The following ARHGEF4 variants were observed in gnomAD, a reference collection of about 807,000 sequenced individuals.
ARHGEF4 encodes APC-stimulated guanine nucleotide exchange factor 1.
A neutral mutation model predicts 162.0 loss-of-function variants in ARHGEF4; 119 were observed. The ratio of observed to expected loss-of-function variants is 0.73; its 90% CI spans 0.63 to 0.86. The LOEUF is 0.86. Among genes scored for constraint, ARHGEF4 ranks in the 40% least tolerant of loss-of-function variants. The probability of loss-of-function intolerance (pLI) is 0.00; values close to 1 mark genes in which losing one functional copy is unlikely to be tolerated. For synonymous variants in ARHGEF4, 1,014 were observed against 979.9 expected, an observed-to-expected ratio of 1.03 and a Z score of -0.65; for missense variants, 2,488 against 2,456.0, an observed-to-expected ratio of 1.01 and a Z score of -0.28.
intron 4 of ARHGEF4, among the ~76,000 whole-genome samples, chr2:131,004,390 C>T (rs978568626): frequency 1.3e-5 from 2 of 152,212 alleles, no homozygotes; most frequent in Non-Finnish European, 2.9e-5. Flanking sequence ...TGGTCTCAAT[C>T]ACCTGACTTC....
chr2:131,040,075 A>C lies in ARHGEF4; in HGVS notation c.4365A>C (p.Gly1455=), dbSNP rs751335828. 2.7e-5 allele frequency: 44 copies of C among 1,601,776 alleles called. No homozygotes were observed. In the Middle Eastern group the frequency reaches 6.6e-4, roughly 24 times the overall value. ...DDDAPLAGNS[G]AEDGGAEAQS... Reference sequence around the variant, plus strand: ...ACGCCCCTCTGGCCGGGAACAGCGGAGCGGAGGACGGCGGGGCGGAGGCGC... The same window carrying C: ...ACGCCCCTCTGGCCGGGAACAGCGGCGCGGAGGACGGCGGGGCGGAGGCGC... The change falls in exon 7 of 14, where the codon GGA becomes GGC. Residue 1455 remains glycine, a synonymous_variant. Coordinates refer to ENST00000409359, the MANE Select transcript of ARHGEF4 (RefSeq NM_001367493.1).
In ARHGEF4 at chr2:130,916,230, GCCCGGGGC is replaced by G; in HGVS notation, c.2286_2293del (p.Arg763AlafsTer44). Reference sequence around the variant, plus strand: ...GGCCCCCGAAGGCGGTGCTGCAGCAGCCCGGGGCCAGCGCCCCCGCGTCCCCGCCTTGG... The same window carrying G: ...GGCCCCCGAAGGCGGTGCTGCAGCAGCAGCGCCCCCGCGTCCCCGCCTTGG... On this transcript the variant is annotated frameshift_variant, in exon 2 of 14. Transcript: ENST00000409359. LOFTEE classifies it high-confidence loss of function. 1 of 1,535,484 alleles carries G rather than the reference GCCCGGGGC, an allele frequency of 6.5e-7. No individual in the cohort carries two copies. The highest frequency in any genetic ancestry group is 8.8e-7 in the Non-Finnish European group (1 of 1,141,926).
chr2:130,993,896 G>T (rs1323195625), intron 4 of ARHGEF4, among the ~76,000 whole-genome samples: 3 of 152,088 alleles, frequency 2.0e-5, no homozygotes, highest in Non-Finnish European at 4.4e-5. Flanking sequence ...CAATTCTCCT[G>T]CCTCATCCCC....
chr2:130,908,448 G>A (rs951900536), intron 1 of ARHGEF4, among the ~76,000 whole-genome samples: 8 of 152,256 alleles, frequency 5.3e-5, no homozygotes, highest in Middle Eastern at 3.4e-3. Context: ...AGGCCGAGGC[G>A]GGTGGATCAC....
At chr2:130,959,660 A>G (rs1244546537) in intron 4 of ARHGEF4, among the ~76,000 whole-genome samples, 10 of 152,254 alleles carry the variant, frequency 6.6e-5, no homozygotes, top group Admixed American at 6.5e-4. Context: ...TAATCCTCAC[A>G]ATAATCCTGC....
chr2:130,987,710 A>T (rs1215290126), intron 4 of ARHGEF4, among the ~76,000 whole-genome samples: 1 of 152,146 alleles, frequency 6.6e-6, no homozygotes, highest in Non-Finnish European at 1.5e-5. Context: ...ATCACCTCTC[A>T]CTGGCTGAGA....
intron 1 of ARHGEF4, among the ~76,000 whole-genome samples, chr2:130,857,186 C>T (rs1430854184): frequency 6.6e-6 from 1 of 151,886 alleles, no homozygotes; most frequent in Non-Finnish European, 1.5e-5. Context: ...GAGCCGAGAT[C>T]GCGTCACTGC....
At chr2:130,939,382 G>T (rs917800065) in intron 3 of ARHGEF4, among the ~76,000 whole-genome samples, 3 of 151,940 alleles carry the variant, frequency 2.0e-5, no homozygotes, top group African/African-American at 7.3e-5. Context: ...TTGCACCTTT[G>T]CCAGAAATCA....
intron 4 of ARHGEF4, among the ~76,000 whole-genome samples, chr2:131,008,581 A>T (rs922658052): frequency 6.6e-6 from 1 of 152,014 alleles, no homozygotes; most frequent in Non-Finnish European, 1.5e-5. Flanking sequence ...TTTTTTTGTC[A>T]CATGTTCTTT....
chr2:130,955,966 GCTAT>G, intron 4 of ARHGEF4, among the ~76,000 whole-genome samples: 1 of 152,284 alleles, frequency 6.6e-6, no homozygotes, highest in East Asian at 1.9e-4. Flanking sequence ...GAGATCAGGA[GCTAT>G]CTGTTTTACA....
At chr2:130,982,093 G>A (rs1419192297) in intron 4 of ARHGEF4, among the ~76,000 whole-genome samples, 1 of 152,136 alleles carries the variant, frequency 6.6e-6, no homozygotes. Flanking sequence ...CCATCTCCTG[G>A]GTTCAAGCAA....
Position 130,931,026 on chromosome 2 carries a change from G to A in ARHGEF4, c.3627G>A (p.Glu1209=), listed in dbSNP as rs770999620. The change falls in exon 3 of 14, where the codon GAG becomes GAA. Residue 1209 remains glutamate (E), a synonymous_variant. Transcript: ENST00000409359. ...ACAGTCAGAAGGCGTTCCACATGGAGCCTGCCCAGAAGCCCTGCTTCACCA... is the reference window on the plus strand; with the variant it reads ...ACAGTCAGAAGGCGTTCCACATGGAACCTGCCCAGAAGCCCTGCTTCACCA... The part of the protein sequence containing the change: ...CSHSQKAFHM[E]PAQKPCFTTD... 1.2e-6 allele frequency: 2 copies of A among 1,613,944 alleles called. No individual in the cohort carries two copies. Among genetic ancestry groups the A allele is most frequent in the Middle Eastern group, 1.6e-4 (1 of 6,074 alleles).
At chr2:131,034,167 C>T (rs1280940563) in intron 5 of ARHGEF4, among the ~76,000 whole-genome samples, 1 of 152,146 alleles carries the variant, frequency 6.6e-6, no homozygotes, top group East Asian at 1.9e-4. Context: ...CTCTGTGCGC[C>T]CCTCCCTGCC....
intron 1 of ARHGEF4, among the ~76,000 whole-genome samples, chr2:130,901,562 C>T (rs1251120310): frequency 6.6e-6 from 1 of 151,822 alleles, no homozygotes; most frequent in Non-Finnish European, 1.5e-5. Context: ...CTCTTGTTGC[C>T]CAGGCTGGAG....
chr2:130,981,162 A>G (rs191278944), intron 4 of ARHGEF4, among the ~76,000 whole-genome samples: 10 of 152,320 alleles, frequency 6.6e-5, no homozygotes, highest in Admixed American at 6.5e-4. Flanking sequence ...CCAAATTTCA[A>G]ATGGCTGTTG....
rs532442968 is a variant in ARHGEF4, at chr2:130,881,126, G to A, written c.40-32860G>A. Among the ~76,000 whole-genome samples the A allele has an allele frequency of 3.8e-4, 58 of 152,136 alleles. 1 individual carries two copies. Among genetic ancestry groups the A allele is most frequent in the Middle Eastern group, 3.4e-3 (1 of 294 alleles). The stretch of plus-strand genomic sequence containing the variant: ...CGGCTCACTACAACCTCTGCCTCCC[G>A]AGTTCAAATGATTCTCCTGTCTCTG... On this transcript the variant is annotated intron_variant, in intron 1 of 13. Coordinates refer to ENST00000409359, the MANE Select transcript of ARHGEF4 (RefSeq NM_001367493.1).
At chr2:131,030,780 C>T (rs550249790) in intron 5 of ARHGEF4, among the ~76,000 whole-genome samples, 3 of 152,216 alleles carry the variant, frequency 2.0e-5, no homozygotes, top group Non-Finnish European at 2.9e-5. Context: ...GGATGTGACA[C>T]CGGAGCCCTC....
At chr2:131,032,342 C>G (rs1181521180) in intron 5 of ARHGEF4, among the ~76,000 whole-genome samples, 2 of 152,066 alleles carry the variant, frequency 1.3e-5, no homozygotes, top group Non-Finnish European at 1.5e-5. Flanking sequence ...TTGGTCACCC[C>G]TCATGGAGTC....
At chr2:130,838,439 C>T (rs1158949469) in intron 1 of ARHGEF4, among the ~76,000 whole-genome samples, 1 of 152,076 alleles carries the variant, frequency 6.6e-6, no homozygotes, top group Non-Finnish European at 1.5e-5. Flanking sequence ...AACCCCGTCT[C>T]TACTAAAAAT....
Sources: gnomAD v4.1 joint callset for allele counts (sites outside exome capture counted in the v4.1 genomes callset) on GRCh38, gnomAD v4.1.1 for gene constraint, MANE v1.5 for transcripts, NCBI Gene and HGNC (gene_info 2026-07-23, HGNC 2026-07-21) for gene names.